The following OPA3 variants were observed in gnomAD, a reference collection of about 807,000 sequenced individuals.
The protein encoded by OPA3 is outer mitochondrial membrane lipid metabolism regulator OPA3.
OPA3 carries 6 observed loss-of-function variants against 4.0 expected under a neutral mutation model. The ratio of observed to expected loss-of-function variants is 1.51; its 90% CI spans 0.83 to 2.99. The LOEUF is 2.99. Among genes scored for constraint, OPA3 ranks in the 30% most tolerant of loss-of-function variants. OPA3 has a pLI of 0.00. For synonymous variants in OPA3, 105 were observed against 117.1 expected (o/e 0.90, Z 0.67); for missense variants, 235 against 256.2 (o/e 0.92, Z 0.56).
At chr19:45,567,129 C>T (rs887532554) in intron 1 of OPA3, among the ~76,000 whole-genome samples, 3 of 151,968 alleles carry the variant, frequency 2.0e-5, no homozygotes, top group Admixed American at 6.6e-5. Context: ...CACCTGGGCC[C>T]ATGAGTTCAA....
intron 1 of OPA3, among the ~76,000 whole-genome samples, chr19:45,555,073 A>G (rs1969400349): frequency 6.6e-6 from 1 of 152,242 alleles, no homozygotes; most frequent in South Asian, 2.1e-4. Context: ...TACAGCCATG[A>G]GCCACCATGT....
intron 1 of OPA3, among the ~76,000 whole-genome samples, chr19:45,575,511 A>G (rs1194053499): frequency 6.6e-6 from 1 of 152,186 alleles, no homozygotes; most frequent in African/African-American, 2.4e-5. Context: ...ACTTCTGAAA[A>G]AATGACCTCA....
chr19:45,541,030 T>C (rs766610295), intron 1 of OPA3, among the ~76,000 whole-genome samples: 39 of 152,148 alleles, frequency 2.6e-4, no homozygotes, highest in Non-Finnish European at 4.3e-4. Context: ...GGAAGCGCCA[T>C]TGCTGTTAGT....
Position 45,550,942 on chromosome 19 carries a change from C to T in OPA3, c.*2572G>A, listed in dbSNP as rs928200835. The T allele has an allele frequency of 1.9e-5, 19 of 985,638 alleles. No individual in the cohort carries two copies. Among genetic ancestry groups the T allele is most frequent in the Middle Eastern group, 5.2e-4 (1 of 1,914 alleles). 61.1% of individuals were successfully genotyped at this position (985,638 alleles called of 1,614,324 possible). On this transcript the variant is annotated 3_prime_UTR_variant, in exon 2 of 2. Coordinates refer to ENST00000263275, the MANE Select transcript of OPA3 (RefSeq NM_025136.4). ...CAGCTAGCAGGAAGGCCAAATGGCC[C>T]GCGGGGTTGGCAGGAGTCCCAGGGT...
intron 1 of OPA3, among the ~76,000 whole-genome samples, chr19:45,574,414 A>AG (rs61022939): frequency 6.7e-6 from 1 of 150,234 alleles, no homozygotes; most frequent in Non-Finnish European, 1.5e-5. Flanking sequence ...AAAAAAAAAA[A>AG]GAAAAAAAAA....
At chr19:45,575,004 T>C (rs1245806804) in intron 1 of OPA3, among the ~76,000 whole-genome samples, 1 of 152,110 alleles carries the variant, frequency 6.6e-6, no homozygotes, top group African/African-American at 2.4e-5. Context: ...CACCTGCACC[T>C]GGATGAGAGC....
chr19:45,584,576 G>A (rs752709458), intron 1 of OPA3, 47 bp downstream of exon 1: 26 of 1,613,616 alleles, frequency 1.6e-5, no homozygotes, highest in Non-Finnish European at 2.1e-5. Context: ...CACCTGACAG[G>A]GGTTGGAGAA....
intron 1 of OPA3, among the ~76,000 whole-genome samples, chr19:45,564,885 T>C (rs1357035258): frequency 2.0e-5 from 3 of 152,214 alleles, no homozygotes; most frequent in Non-Finnish European, 4.4e-5. Flanking sequence ...GAAACAAAAA[T>C]GTATCTATAA....
In OPA3 at chr19:45,529,297, T is replaced by C. The variant is rs757195041; in HGVS notation, c.302A>G (p.Tyr101Cys). 19 of 1,613,964 alleles carry C rather than the reference T, an allele frequency of 1.2e-5. No individual in the cohort carries two copies. In the South Asian group the frequency reaches 2.1e-4, roughly 18 times the overall value. ...GCGCTGCTGCAACTGGTGGCGCCAATACTCCAGCATCAGGCAGCTGCAGGC... is the reference window on the plus strand; with the variant it reads ...GCGCTGCTGCAACTGGTGGCGCCAACACTCCAGCATCAGGCAGCTGCAGGC... Residue 101 changes from tyrosine to cysteine, a missense_variant, in exon 2 of 2, where the codon TAT (tyrosine) becomes TGT (cysteine). Physicochemically the swap from Tyr to Cys is radical, Grantham distance 194. Transcript: ENST00000323060.
chr19:45,553,399 T>G lies in OPA3; in HGVS notation c.*115A>C. On this transcript the variant is annotated 3_prime_UTR_variant, in exon 2 of 2. Coordinates refer to ENST00000263275, the MANE Select transcript of OPA3 (RefSeq NM_025136.4). ...TCAGCAGGGGTAACCAAATGCCAAG[T>G]TGCATCAAGATCCTGGTGGTTTCCA... The G allele has an allele frequency of 3.1e-6, 5 of 1,591,588 alleles. No homozygotes were observed. The highest frequency in any genetic ancestry group is 4.3e-6 in the Non-Finnish European group (5 of 1,175,668).
chr19:45,548,846 C>T lies in OPA3; in HGVS notation c.*4668G>A. ...AGAGATGAAGTCTCGCTCTGTCACCCAGGCTGGAGTATAATGGCATGATCT... is the reference window on the plus strand; with the variant it reads ...AGAGATGAAGTCTCGCTCTGTCACCTAGGCTGGAGTATAATGGCATGATCT... On this transcript the variant is annotated 3_prime_UTR_variant, in exon 2 of 2. Transcript: ENST00000263275. 1 of 622,420 alleles carries T rather than the reference C, an allele frequency of 1.6e-6. No individual in the cohort carries two copies. Among genetic ancestry groups the T allele is most frequent in the South Asian group, 7.1e-5 (1 of 14,104 alleles). 38.6% of individuals were successfully genotyped at this position (622,420 alleles called of 1,614,324 possible).
chr19:45,580,587 C>T (rs1244343776), intron 1 of OPA3, among the ~76,000 whole-genome samples: 1 of 150,806 alleles, frequency 6.6e-6, no homozygotes, highest in African/African-American at 2.4e-5. Flanking sequence ...GGCACCGCGC[C>T]CAGCACAGAA....
chr19:45,553,623 G>C lies in OPA3; in HGVS notation c.431C>G (p.Pro144Arg), dbSNP rs775398472. 11 of 1,607,058 alleles carry C rather than the reference G, an allele frequency of 6.8e-6. No individual in the cohort carries two copies. The highest frequency in any genetic ancestry group is 1.7e-5 in the Admixed American group (1 of 59,808). Residue 144 changes from proline to arginine, a missense_variant, in exon 2 of 2, where the codon CCG becomes CGG. Coordinates refer to ENST00000263275, the MANE Select transcript of OPA3 (RefSeq NM_025136.4). ...EALQAQVQAA[P>R]PQGALEELRT... ...CAGTTCCTCCAGGGCGCCCTGTGGCGGCGCCGCCTGCACCTGCGCCTGCAG... is the reference window on the plus strand; with the variant it reads ...CAGTTCCTCCAGGGCGCCCTGTGGCCGCGCCGCCTGCACCTGCGCCTGCAG...
intron 1 of OPA3, among the ~76,000 whole-genome samples, chr19:45,567,152 C>G (rs1036468914): frequency 6.6e-6 from 1 of 151,870 alleles, no homozygotes; most frequent in Non-Finnish European, 1.5e-5. Context: ...CCACTATCGG[C>G]AACTTAGTGA....
chr19:45,541,103 G>A (rs754074359), intron 1 of OPA3, among the ~76,000 whole-genome samples: 23 of 152,196 alleles, frequency 1.5e-4, no homozygotes, highest in Non-Finnish European at 2.5e-4. Flanking sequence ...TATGGGGACT[G>A]TTCTCCCACA....
Position 45,570,388 on chromosome 19 carries a change from G to C in OPA3, c.142+14235C>G, listed in dbSNP as rs537272012. The stretch of plus-strand genomic sequence containing the variant: ...GCCAGCTGTGACAGCCACATACAAA[G>C]AATGTCAAAGCTGGCTGGGAGCGGT... On this transcript the variant is annotated intron_variant, in intron 1 of 1. Transcript: ENST00000263275. 3.3e-5 allele frequency among the ~76,000 whole-genome samples: 5 copies of C among 152,262 alleles called. No homozygotes were observed. In the South Asian group the frequency reaches 1.0e-3, roughly 32 times the overall value.
chr19:45,545,081 C>T (rs911589446), downstream of OPA3, among the ~76,000 whole-genome samples: 1 of 147,420 alleles, frequency 6.8e-6, no homozygotes, highest in Non-Finnish European at 1.5e-5. Context: ...AGGAGAATCA[C>T]TTGAACCCGG....
chr19:45,553,722 T>C lies in OPA3; in HGVS notation c.332A>G (p.Lys111Arg). The change falls in exon 2 of 2, where the codon AAG (lysine) becomes AGG (arginine). Residue 111 changes from lysine (K) to arginine (R), a missense_variant. By Grantham distance (26) the Lys-to-Arg change is conservative (BLOSUM62 2). Coordinates refer to ENST00000263275, the MANE Select transcript of OPA3 (RefSeq NM_025136.4). ...CCAGGCAGCACGCTGCTCCTCCTCC[T>C]TGTGGCGCTGCTGCGCCTGGTGGCG... ...YWRHQAQQRH[K>R]EEEQRAAWNA... 1.9e-6 allele frequency: 3 copies of C among 1,610,078 alleles called. No homozygotes were observed. The highest frequency in any genetic ancestry group is 1.3e-5 in the African/African-American group (1 of 75,044).
At chr19:45,561,055 C>T (rs536962224) in intron 1 of OPA3, among the ~76,000 whole-genome samples, 6 of 152,278 alleles carry the variant, frequency 3.9e-5, no homozygotes, top group African/African-American at 1.2e-4. Context: ...TAGGACAGGC[C>T]GGGCGCGGTG....
Sources: allele counts gnomAD v4.1 joint callset (sites outside exome capture counted in the v4.1 genomes callset), GRCh38; gene constraint gnomAD v4.1.1; transcripts MANE v1.5; gene names NCBI Gene and HGNC (gene_info 2026-07-23, HGNC 2026-07-21).